The following ZNF521 variants were observed in gnomAD, a reference collection of about 807,000 sequenced individuals.
ZNF521 encodes the protein zinc finger protein 521.
In ZNF521, 14 loss-of-function variants were observed where a neutral mutation model predicts 105.5. The ratio of observed to expected loss-of-function variants is 0.13; its 90% CI spans 0.09 to 0.21. The LOEUF (loss-of-function observed/expected upper bound fraction) is 0.21, where lower values mean the gene tolerates loss of function less well. Among genes scored for constraint, ZNF521 ranks in the 10% least tolerant of loss-of-function variants. ZNF521 has a pLI of 1.00. For synonymous variants in ZNF521, 635 were observed against 606.0 expected (o/e 1.05, Z -0.70); for missense variants, 1,233 against 1,629.7 (o/e 0.76, Z 4.19).
intron 3 of ZNF521, among the ~76,000 whole-genome samples, chr18:25,240,947 TAAA>T (rs35790866): frequency 8.1e-4 from 96 of 117,912 alleles, no homozygotes; most frequent in Non-Finnish European, 9.8e-4. Flanking sequence ...AACCAGATAT[TAAA>T]AAAAAAAAAA....
At chr18:25,284,754 A>C (rs1474525771) in intron 3 of ZNF521, among the ~76,000 whole-genome samples, 1 of 152,208 alleles carries the variant, frequency 6.6e-6, no homozygotes, top group African/African-American at 2.4e-5. Flanking sequence ...TAACTGAGAC[A>C]GGTACATTGG....
In ZNF521 at chr18:25,141,214, T is replaced by C. The variant is rs1457478807; in HGVS notation, c.3659-49133A>G. 2.0e-5 allele frequency among the ~76,000 whole-genome samples: 3 copies of C among 152,208 alleles called. No homozygotes were observed. The East Asian group carries it at 5.8e-4, about 29-fold the overall frequency. ...ATTTGGACAAACGTTTTGACTGAATTAGAGGAATTTTGTTCTCAGCACCCT... is the reference window on the plus strand; with the variant it reads ...ATTTGGACAAACGTTTTGACTGAATCAGAGGAATTTTGTTCTCAGCACCCT... On this transcript the variant is annotated intron_variant, in intron 5 of 7. Transcript: ENST00000361524.
chr18:25,318,235 C>A (rs543098870), intron 3 of ZNF521, among the ~76,000 whole-genome samples: 2 of 152,208 alleles, frequency 1.3e-5, no homozygotes, highest in South Asian at 2.1e-4. Context: ...GCACGCCGTA[C>A]AATTTCATTT....
At chr18:25,189,901 G>T (rs930503758) in intron 5 of ZNF521, among the ~76,000 whole-genome samples, 1 of 152,104 alleles carries the variant, frequency 6.6e-6, no homozygotes, top group Non-Finnish European at 1.5e-5. Flanking sequence ...TGTGTAAATC[G>T]ATGAACATCT....
chr18:25,303,877 C>T (rs1226338375), intron 3 of ZNF521, among the ~76,000 whole-genome samples: 3 of 152,122 alleles, frequency 2.0e-5, no homozygotes, highest in Non-Finnish European at 4.4e-5. Context: ...TTTGCCATGT[C>T]AATACAGAAA....
At chr18:25,237,738 T>C (rs1477146152) in intron 3 of ZNF521, among the ~76,000 whole-genome samples, 4 of 152,238 alleles carry the variant, frequency 2.6e-5, no homozygotes, top group Non-Finnish European at 5.9e-5. Context: ...CTGAAATCTT[T>C]ACAAAGCTTC....
chr18:25,139,489 C>G (rs1214064673), intron 5 of ZNF521, among the ~76,000 whole-genome samples: 3 of 151,608 alleles, frequency 2.0e-5, no homozygotes, highest in African/African-American at 7.3e-5. Context: ...AGGGAAATAT[C>G]CTGGTCTTAC....
At chr18:25,280,306 T>A (rs1049911024) in intron 3 of ZNF521, among the ~76,000 whole-genome samples, 4 of 152,180 alleles carry the variant, frequency 2.6e-5, no homozygotes, top group Non-Finnish European at 5.9e-5. Context: ...ATGCCCATGA[T>A]GTCATTGAAG....
chr18:25,153,437 T>A (rs1406038449), intron 5 of ZNF521, among the ~76,000 whole-genome samples: 1 of 152,178 alleles, frequency 6.6e-6, no homozygotes, highest in Non-Finnish European at 1.5e-5. Flanking sequence ...CAACATGGCT[T>A]CAGGTTGGAA....
intron 3 of ZNF521, among the ~76,000 whole-genome samples, chr18:25,248,663 CTTAA>C (rs1490211208): frequency 2.0e-5 from 3 of 152,214 alleles, no homozygotes; most frequent in Non-Finnish European, 2.9e-5. Flanking sequence ...TTCCCACTTA[CTTAA>C]TTAGTCATTA....
chr18:25,320,062 C>T (rs868229001), intron 3 of ZNF521, among the ~76,000 whole-genome samples: 6 of 152,136 alleles, frequency 3.9e-5, no homozygotes, highest in Admixed American at 2.6e-4. Context: ...ATGCATGATC[C>T]TGAATCGTGG....
At chr18:25,130,783 A>G (rs191636089) in intron 5 of ZNF521, among the ~76,000 whole-genome samples, 23 of 152,152 alleles carry the variant, frequency 1.5e-4, no homozygotes, top group Non-Finnish European at 2.6e-4. Context: ...TCTCTACAAA[A>G]AATTCAATAA....
At chr18:25,345,608 G>A (rs1160212166) in intron 2 of ZNF521, among the ~76,000 whole-genome samples, 2 of 152,158 alleles carry the variant, frequency 1.3e-5, no homozygotes, top group Admixed American at 1.3e-4. Context: ...TGCTGAAATC[G>A]TGAAACCGGC....
At chr18:25,272,699 G>T (rs760839463) in intron 3 of ZNF521, among the ~76,000 whole-genome samples, 5 of 151,942 alleles carry the variant, frequency 3.3e-5, no homozygotes, top group African/African-American at 1.2e-4. Context: ...AGTCACAAGC[G>T]GGAGTTGTAC....
chr18:25,287,881 G>A (rs1388740957), intron 3 of ZNF521, among the ~76,000 whole-genome samples: 1 of 152,144 alleles, frequency 6.6e-6, no homozygotes, highest in East Asian at 1.9e-4. Context: ...CCAAGCATTA[G>A]GATTCTACTT....
chr18:25,097,526 AG>A (rs1431895215), intron 5 of ZNF521, among the ~76,000 whole-genome samples: 1 of 152,052 alleles, frequency 6.6e-6, no homozygotes, highest in Non-Finnish European at 1.5e-5. Context: ...ACCTTCTAGG[AG>A]TTTTGTCACT....
chr18:25,189,929 G>A (rs1297467571), intron 5 of ZNF521, among the ~76,000 whole-genome samples: 1 of 152,176 alleles, frequency 6.6e-6, no homozygotes, highest in Non-Finnish European at 1.5e-5. Flanking sequence ...ACAACACCCA[G>A]CAGAACGCCC....
chr18:25,224,749 G>A lies in ZNF521; in HGVS notation c.3169C>T (p.Arg1057Trp), dbSNP rs535733862. 3.1e-6 allele frequency: 5 copies of A among 1,613,758 alleles called. No individual in the cohort carries two copies. Among genetic ancestry groups the A allele is most frequent in the African/African-American group, 1.3e-5 (1 of 74,878 alleles). The part of the protein sequence containing the change: ...GNGSAVQTTG[R>W]GQHVQKLYKC... ...TACAGTTTTTGGACGTGCTGGCCCC[G>A]CCCTGTGGTCTGAACTGCAGACCCA... is the stretch of plus-strand genomic sequence containing the variant. Residue 1057 changes from arginine to tryptophan, a missense_variant, in exon 4 of 8, where the codon CGG becomes TGG. Physicochemically the swap from Arg to Trp is moderately radical, Grantham distance 101. This residue lies in a region of ZNF521 where 614 missense variants were observed against 751.5 expected (regional missense o/e 0.82). Coordinates refer to ENST00000361524, the MANE Select transcript of ZNF521 (RefSeq NM_015461.3).
At chr18:25,123,475 C>T (rs966133083) in intron 5 of ZNF521, among the ~76,000 whole-genome samples, 3 of 152,132 alleles carry the variant, frequency 2.0e-5, no homozygotes, top group African/African-American at 7.2e-5. Flanking sequence ...GCTAAAGTAC[C>T]TTCAAGCAAT....
Sources: allele counts gnomAD v4.1 joint callset (sites outside exome capture counted in the v4.1 genomes callset), GRCh38; gene constraint gnomAD v4.1.1; regional missense constraint gnomAD v4.1.1; transcripts MANE v1.5; gene names NCBI Gene and HGNC (gene_info 2026-07-23, HGNC 2026-07-21).